Variants in RBBP4 observed in about 807,000 individuals in gnomAD.
The protein encoded by RBBP4 is RB binding protein 4, chromatin remodeling factor.
In RBBP4, 3 loss-of-function variants were observed where a neutral mutation model predicts 57.2. The observed-to-expected ratio is 0.05, with a 90% CI of 0.02 to 0.14. RBBP4 has a LOEUF of 0.14. Among genes scored for constraint, RBBP4 ranks in the 10% least tolerant of loss-of-function variants. The pLI, the probability that RBBP4 is intolerant of heterozygous loss-of-function variation, is 1.00. For synonymous variants in RBBP4, 151 were observed against 171.5 expected, an observed-to-expected ratio of 0.88 and a Z score of 0.93; for missense variants, 107 against 520.6, an observed-to-expected ratio of 0.21 and a Z score of 7.73.
At chr1:32,673,573 G>A in intron 11 of RBBP4, 1 of 351,160 alleles carries the variant, frequency 2.8e-6, no homozygotes, top group African/African-American at 2.3e-5. Context: ...GAGTAGCTGG[G>A]ACTATAGGTG....
intron 11 of RBBP4, among the ~76,000 whole-genome samples, chr1:32,673,999 G>A (rs2148530308): frequency 6.6e-6 from 1 of 152,218 alleles, no homozygotes; most frequent in South Asian, 2.1e-4. Context: ...TCCTCAGGAG[G>A]CTGAGGCAGG....
At position 32,664,063 on chromosome 1, in the gene RBBP4, A is replaced by G. The variant is rs955614833; in HGVS notation, c.311-4162A>G. On this transcript the variant is annotated intron_variant, in intron 3 of 11. Transcript: ENST00000373493. ...TGCCTCAGCCTCCCAAGTAGCTGGGACTACAGGCGCCCGCCACCACGCCCG... is the reference window on the plus strand; with the variant it reads ...TGCCTCAGCCTCCCAAGTAGCTGGGGCTACAGGCGCCCGCCACCACGCCCG... Among the ~76,000 whole-genome samples, 53 of 151,838 alleles carry G rather than the reference A, an allele frequency of 3.5e-4. 1 individual carries two copies. Among genetic ancestry groups the G allele is most frequent in the African/African-American group, 1.3e-3 (52 of 41,398 alleles).
chr1:32,655,718 C>T (rs1470436251), intron 2 of RBBP4, among the ~76,000 whole-genome samples: 1 of 152,192 alleles, frequency 6.6e-6, no homozygotes, highest in Non-Finnish European at 1.5e-5. Context: ...GGCCTTACCC[C>T]AACTTTCTCT....
chr1:32,684,295 G>A lies in RBBP4; in HGVS notation c.*4590G>A. ...AGCTCTTCAGCAAGACTGAGCCTTAGCTGTTCCATCTCTTTGTTCTTCTGT... is the reference window on the plus strand; with the variant it reads ...AGCTCTTCAGCAAGACTGAGCCTTAACTGTTCCATCTCTTTGTTCTTCTGT... On this transcript the variant is annotated 3_prime_UTR_variant, in exon 12 of 12. Coordinates refer to ENST00000373493, the MANE Select transcript of RBBP4 (RefSeq NM_005610.3). The A allele has an allele frequency of 6.2e-7, 1 of 1,614,186 alleles. No individual in the cohort carries two copies. Among genetic ancestry groups the A allele is most frequent in the South Asian group, 1.1e-5 (1 of 91,086 alleles).
rs903347880 is a variant in RBBP4 at position 32,685,998 on chromosome 1, A to G, written c.*6293A>G. The G allele has an allele frequency of 6.6e-5, 10 of 152,116 alleles. No individual in the cohort carries two copies. The highest frequency in any genetic ancestry group is 6.6e-4 in the Admixed American group (10 of 15,254). 9.4% of individuals were successfully genotyped at this position (152,116 alleles called of 1,614,324 possible). ...ACCTCTGTTACTCTTCCGTATGAACATTTTCCTCTAGCCCTGGACTACTAG... is the reference window on the plus strand; with the variant it reads ...ACCTCTGTTACTCTTCCGTATGAACGTTTTCCTCTAGCCCTGGACTACTAG... On this transcript the variant is annotated 3_prime_UTR_variant, in exon 12 of 12. Coordinates refer to ENST00000373493, the MANE Select transcript of RBBP4 (RefSeq NM_005610.3).
intron 3 of RBBP4, 29 bp from the exon 4 acceptor site, chr1:32,668,196 G>A: frequency 6.3e-7 from 1 of 1,592,826 alleles, no homozygotes; most frequent in Non-Finnish European, 8.6e-7. Context: ...CTCTTGTTTT[G>A]TCCTCATTTG....
rs377555827 is a variant in RBBP4, at chr1:32,672,753, A to G, written c.1102-38A>G. ...AATAGTCTGTAATTTAATGTCCTCT[A>G]TCTGCATTTCACCTCTTTGTTTTCT... On this transcript the variant is annotated intron_variant, in intron 10 of 11. Coordinates refer to ENST00000373493, the MANE Select transcript of RBBP4 (RefSeq NM_005610.3). 7 of 1,580,888 alleles carry G rather than the reference A, an allele frequency of 4.4e-6. No individual in the cohort carries two copies. The African/African-American group carries it at 8.8e-5, about 20-fold the overall frequency.
At position 32,680,991 on chromosome 1, in the gene RBBP4, G is replaced by C. The variant is rs1044225891; in HGVS notation, c.*1286G>C. ...AGATTTAAATTTGGAAAAGGTGCTT[G>C]AACCTTTTCTCAGAGGTTTTATTTC... On this transcript the variant is annotated 3_prime_UTR_variant, in exon 12 of 12. Transcript: ENST00000373493. 4 of 155,780 alleles carry C rather than the reference G, an allele frequency of 2.6e-5. No individual in the cohort carries two copies. Among genetic ancestry groups the C allele is most frequent in the African/African-American group, 9.6e-5 (4 of 41,604 alleles). 9.6% of individuals were successfully genotyped at this position (155,780 alleles called of 1,614,324 possible).
chr1:32,669,446 T>C lies in RBBP4; in HGVS notation c.889-40T>C. 1 of 1,567,036 alleles carries C rather than the reference T, an allele frequency of 6.4e-7. No homozygotes were observed. On this transcript the variant is annotated intron_variant, in intron 7 of 11. Transcript: ENST00000373493. This position sits in a 1 kb window ranked among gnomAD's most constrained non-coding sequence, Gnocchi z 4.9. Reference sequence around the variant, plus strand: ...TTTTACTTACAGTATTTTTTTTTTCTTAAAAAATTGATTACTCTTGCTTTT... The same window carrying C: ...TTTTACTTACAGTATTTTTTTTTTCCTAAAAAATTGATTACTCTTGCTTTT...
chr1:32,678,062 G>A (rs1021645144), intron 11 of RBBP4, among the ~76,000 whole-genome samples: 2 of 152,150 alleles, frequency 1.3e-5, no homozygotes, highest in African/African-American at 4.8e-5. Context: ...TTTTAAGTGT[G>A]CAGTTCAGCA....
chr1:32,657,598 T>A, intron 3 of RBBP4, 26 bp downstream of exon 3: 1 of 1,609,922 alleles, frequency 6.2e-7, no homozygotes, highest in Admixed American at 1.7e-5. Flanking sequence ...GTGAAAGAAG[T>A]AAAGATGTGT....
At chr1:32,674,914 T>A (rs1183546367) in intron 11 of RBBP4, among the ~76,000 whole-genome samples, 2 of 151,500 alleles carry the variant, frequency 1.3e-5, no homozygotes, top group African/African-American at 4.9e-5. Flanking sequence ...TGTTGTTTTT[T>A]ATTTAGTAGA....
chr1:32,653,264 AAG>A (rs1557849611), intron 2 of RBBP4, among the ~76,000 whole-genome samples: 1 of 152,038 alleles, frequency 6.6e-6, no homozygotes, highest in Non-Finnish European at 1.5e-5. Flanking sequence ...GCAAAAAACA[AAG>A]AGGAGGGTAA....
chr1:32,666,888 C>G (rs1175715819), intron 3 of RBBP4, among the ~76,000 whole-genome samples: 3 of 152,130 alleles, frequency 2.0e-5, no homozygotes, highest in Admixed American at 6.5e-5. Context: ...ACTAATATAA[C>G]CAAGGAATAA....
intron 2 of RBBP4, among the ~76,000 whole-genome samples, chr1:32,653,637 G>GTTTTTTTTTTTTTTTT (rs1053666893): frequency 4.8e-5 from 1 of 20,782 alleles, no homozygotes; most frequent in Non-Finnish European, 1.7e-4. Context: ...TTGTTTTCTG[G>GTTTTTTTTTTTTTTTT]TTTTTTTTTT....
At chr1:32,662,200 GGTTTT>G (rs1557854356) in intron 3 of RBBP4, 2 of 338,408 alleles carry the variant, frequency 5.9e-6, no homozygotes, top group Admixed American at 3.4e-5. Flanking sequence ...GTTTTTTTGG[GGTTTT>G]GTTTTATTTT....
chr1:32,660,632 G>A (rs986107182), intron 3 of RBBP4, among the ~76,000 whole-genome samples: 3 of 149,924 alleles, frequency 2.0e-5, no homozygotes, highest in Admixed American at 6.7e-5. Context: ...TGTTGCTCAG[G>A]CTGATCTGGA....
In RBBP4 at chr1:32,670,071, A is replaced by G. The variant is rs995555629; in HGVS notation, c.966+508A>G. On this transcript the variant is annotated intron_variant, in intron 8 of 11. Transcript: ENST00000373493. The stretch of plus-strand genomic sequence containing the variant: ...CTTACATTCTTCAGATATTAAGAAA[A>G]CTAGGCCAGGTATGGTAGCTTATGC... Among the ~76,000 whole-genome samples the G allele has an allele frequency of 5.3e-5, 8 of 152,144 alleles. No homozygotes were observed. The East Asian group carries it at 7.7e-4, about 15-fold the overall frequency.
chr1:32,674,024 A>G (rs1177924179), intron 11 of RBBP4, among the ~76,000 whole-genome samples: 1 of 152,044 alleles, frequency 6.6e-6, no homozygotes, highest in Non-Finnish European at 1.5e-5. Flanking sequence ...TGGCGTGAAC[A>G]CGGGAGGCGG....
Sources: gnomAD v4.1 joint callset for allele counts (sites outside exome capture counted in the v4.1 genomes callset) on GRCh38, gnomAD v4.1.1 for gene constraint, Gnocchi (gnomAD v3.1) non-coding constraint, MANE v1.5 for transcripts, NCBI Gene and HGNC (gene_info 2026-07-23, HGNC 2026-07-21) for gene names.